PHF21A: variants seen among roughly 807,000 people sequenced by gnomAD.
PHF21A encodes PHD finger protein 21A.
In PHF21A, 11 loss-of-function variants were observed where a neutral mutation model predicts 82.5. The ratio of observed to expected loss-of-function variants is 0.13; its 90% CI spans 0.08 to 0.22. The LOEUF is 0.22. PHF21A is among the 10% of genes least tolerant of loss of function. The probability of loss-of-function intolerance (pLI) is 1.00; values close to 1 mark genes in which losing one functional copy is unlikely to be tolerated. For missense variants in PHF21A, 579 were observed against 837.8 expected, an observed-to-expected ratio of 0.69 and a Z score of 3.81; for synonymous variants, 297 against 302.8, an observed-to-expected ratio of 0.98 and a Z score of 0.20.
Position 45,953,599 on chromosome 11 carries a change from A to G in PHF21A, c.1023T>C (p.Asp341=), listed in dbSNP as rs960974369. 1.1e-5 allele frequency: 17 copies of G among 1,613,542 alleles called. No individual in the cohort carries two copies. The East Asian group carries it at 3.6e-4, about 34-fold the overall frequency. Residue 341 remains aspartate, a synonymous_variant, in exon 11 of 19, where the codon GAT becomes GAC. Coordinates refer to ENST00000676320, the MANE Select transcript of PHF21A (RefSeq NM_001352027.3). ...TGGTGCGGCTCTCTGTTTGTTTCTC[A>G]TCTGTTTCTGTGTGAGATTTAACTG... The part of the protein sequence containing the change: ...KQTVKSHTET[D]EKQTESRTIT...
In PHF21A at chr11:45,934,012, G is replaced by A; in HGVS notation, c.2002C>T (p.Gln668Ter). 6.2e-7 allele frequency: 1 copy of A among 1,609,398 alleles called. No individual in the cohort carries two copies. ...TSTPAPSPSS[Q>*]SCTANCNQGE... ...TGGTTACAGTTCGCTGTGCAGCTCT[G>A]GGAGGAGGGGGAAGGGGCCGGCGTG... Residue 668 changes from glutamine (Q) to a stop codon, truncating the protein, a stop_gained, in exon 19 of 19, where the codon CAG becomes TAG. Coordinates refer to ENST00000676320, the MANE Select transcript of PHF21A (RefSeq NM_001352027.3). LOFTEE classifies it high-confidence loss of function.
intron 6 of PHF21A, among the ~76,000 whole-genome samples, chr11:46,036,160 G>C (rs1009826299): frequency 2.0e-5 from 3 of 152,218 alleles, no homozygotes; most frequent in African/African-American, 7.2e-5. Flanking sequence ...GAGTGAAAGG[G>C]AAGAATCAAG....
intron 1 of PHF21A, among the ~76,000 whole-genome samples, chr11:46,102,565 A>G (rs1465356634): frequency 6.6e-6 from 1 of 152,248 alleles, no homozygotes; most frequent in Non-Finnish European, 1.5e-5. Flanking sequence ...AATTAGGTCC[A>G]TGAGACTAGA....
At position 45,934,123 on chromosome 11, in the gene PHF21A, G is replaced by A. The variant is rs2088164988; in HGVS notation, c.1891C>T (p.Leu631Phe). Residue 631 changes from leucine (L) to phenylalanine (F), a missense_variant, in exon 19 of 19, where the codon CTC becomes TTC. By Grantham distance (22) the Leu-to-Phe change is conservative. Transcript: ENST00000676320. ...QLIRLIHGID[L>F]SKPVDSEATV... ...GCCTCAGAGTCTACAGGTTTGGAGA[G>A]GTCGATGCCGTGGATGAGGCGAATC... The A allele has an allele frequency of 2.5e-6, 4 of 1,614,206 alleles. No homozygotes were observed. The highest frequency in any genetic ancestry group is 3.4e-6 in the Non-Finnish European group (4 of 1,180,036).
chr11:46,037,804 T>TC (rs2096046128), intron 6 of PHF21A, among the ~76,000 whole-genome samples: 1 of 152,086 alleles, frequency 6.6e-6, no homozygotes, highest in African/African-American at 2.4e-5. Context: ...TATGAATCTT[T>TC]TTTTTCCTCC....
intron 1 of PHF21A, among the ~76,000 whole-genome samples, chr11:46,098,759 A>G (rs2097043939): frequency 6.6e-6 from 1 of 152,216 alleles, no homozygotes; most frequent in African/African-American, 2.4e-5. Flanking sequence ...AGGCATTATA[A>G]AAGAGTTTGA....
rs780614548 is a variant in PHF21A at position 45,934,017 on chromosome 11, G to A, written c.1997C>T (p.Ser666Phe). The change falls in exon 19 of 19, where the codon TCC (serine) becomes TTC (phenylalanine). Residue 666 changes from serine (S) to phenylalanine (F), a missense_variant. This residue lies in a region of PHF21A where 157 missense variants were observed against 149.4 expected (regional missense o/e 1.05). Transcript: ENST00000676320. The part of the protein sequence containing the change: ...AATSTPAPSP[S>F]SQSCTANCNQ... ...ACAGTTCGCTGTGCAGCTCTGGGAG[G>A]AGGGGGAAGGGGCCGGCGTGGAGGT... is the stretch of plus-strand genomic sequence containing the variant. The A allele has an allele frequency of 1.9e-6, 3 of 1,610,400 alleles. No individual in the cohort carries two copies. In the South Asian group the frequency reaches 3.3e-5, roughly 18 times the overall value.
chr11:46,045,753 C>T (rs2096247327), intron 6 of PHF21A, among the ~76,000 whole-genome samples: 1 of 152,048 alleles, frequency 6.6e-6, no homozygotes, highest in Non-Finnish European at 1.5e-5. Flanking sequence ...TTTTGGAAGC[C>T]CTACTCTTGC....
chr11:46,011,174 G>A (rs1284544919), intron 6 of PHF21A, among the ~76,000 whole-genome samples: 1 of 152,030 alleles, frequency 6.6e-6, no homozygotes, highest in Non-Finnish European at 1.5e-5. Flanking sequence ...TTTTAGCCTG[G>A]CTAGTGGTAG....
At chr11:46,034,835 T>C (rs1362469781) in intron 6 of PHF21A, among the ~76,000 whole-genome samples, 2 of 152,186 alleles carry the variant, frequency 1.3e-5, no homozygotes, top group African/African-American at 4.8e-5. Context: ...TACAAGGGGA[T>C]AGTGGGCATG....
chr11:45,971,992 C>A (rs1337007859), intron 7 of PHF21A, among the ~76,000 whole-genome samples: 1 of 149,114 alleles, frequency 6.7e-6, no homozygotes, highest in Non-Finnish European at 1.5e-5. Context: ...GGCAATGAGT[C>A]CCAAAGCTCC....
chr11:45,938,088 A>G, intron 16 of PHF21A, 69 bp downstream of exon 16: 1 of 1,327,302 alleles, frequency 7.5e-7, no homozygotes, highest in Non-Finnish European at 1.0e-6. Flanking sequence ...TCCCCGGGAA[A>G]GGAATTCCTC....
rs2087656023 is a variant in PHF21A, at chr11:45,931,562, T to TA, written c.*2405dup. On this transcript the variant is annotated 3_prime_UTR_variant, in exon 19 of 19. Transcript: ENST00000676320. ...TGGGAAGATGAAAGGCGATGGCTGA[T>TA]AGAGATGAGACACATTTTACTCTAA... 1 of 152,276 alleles carries TA rather than the reference T, an allele frequency of 6.6e-6. No homozygotes were observed. The highest frequency in any genetic ancestry group is 6.5e-5 in the Admixed American group (1 of 15,288). 9.4% of individuals were successfully genotyped at this position (152,276 alleles called of 1,614,324 possible). A position where few individuals can be genotyped will look rare whatever the true frequency, so the allele number is the denominator to read the frequency against.
At chr11:45,969,501 ATTCT>A (rs144558820) in intron 9 of PHF21A, among the ~76,000 whole-genome samples, 1 of 152,356 alleles carries the variant, frequency 6.6e-6, no homozygotes, top group East Asian at 1.9e-4. Flanking sequence ...TGTTAATTGC[ATTCT>A]TTCCCCACTG....
intron 6 of PHF21A, among the ~76,000 whole-genome samples, chr11:45,980,475 A>C (rs955609307): frequency 6.6e-6 from 1 of 152,208 alleles, no homozygotes; most frequent in African/African-American, 2.4e-5. Flanking sequence ...AAGTACTCAG[A>C]ACTGTGATTG....
intron 1 of PHF21A, among the ~76,000 whole-genome samples, chr11:46,094,279 A>C (rs191516429): frequency 6.4e-4 from 98 of 152,350 alleles, no homozygotes; most frequent in Admixed American, 1.4e-3. Flanking sequence ...GAATTTTGCC[A>C]TGATATCCTG....
At chr11:46,081,123 C>G (rs1158985964) in intron 4 of PHF21A, among the ~76,000 whole-genome samples, 1 of 152,164 alleles carries the variant, frequency 6.6e-6, no homozygotes, top group African/African-American at 2.4e-5. Context: ...TGGTGTATCA[C>G]TTCAGACATT....
intron 15 of PHF21A, among the ~76,000 whole-genome samples, chr11:45,942,970 CAGTT>C (rs1219907072): frequency 3.9e-5 from 6 of 152,138 alleles, no homozygotes; most frequent in African/African-American, 7.2e-5. Context: ...TCTTTCTAGT[CAGTT>C]AGGCCAAAAA....
At chr11:45,986,569 G>T (rs1401914318) in intron 6 of PHF21A, among the ~76,000 whole-genome samples, 1 of 152,162 alleles carries the variant, frequency 6.6e-6, no homozygotes, top group African/African-American at 2.4e-5. Flanking sequence ...ATATATTTAT[G>T]TGTGATAAAA....
Sources: gnomAD v4.1 joint callset for allele counts (sites outside exome capture counted in the v4.1 genomes callset) on GRCh38, gnomAD v4.1.1 for gene constraint, gnomAD v4.1.1 regional missense constraint, MANE v1.5 for transcripts, NCBI Gene and HGNC (gene_info 2026-07-23, HGNC 2026-07-21) for gene names.